SGCZ: variants seen among roughly 807,000 people sequenced by gnomAD.
SGCZ encodes the protein zeta-sarcoglycan.
In SGCZ, 40 loss-of-function variants were observed where a neutral mutation model predicts 41.3. That is an observed-to-expected ratio of 0.97 (90% CI 0.75 to 1.26). The LOEUF (loss-of-function observed/expected upper bound fraction) is 1.26. Among genes scored for constraint, SGCZ ranks in the 50% most tolerant of loss-of-function variants. SGCZ has a pLI of 0.00. For synonymous variants in SGCZ, 206 were observed against 137.5 expected (o/e 1.50, Z -3.49); for missense variants, 552 against 369.8 (o/e 1.49, Z -4.04).
chr8:15,181,953 T>G (rs80279630), intron 1 of SGCZ, among the ~76,000 whole-genome samples: 1 of 152,288 alleles, frequency 6.6e-6, no homozygotes, highest in Non-Finnish European at 1.5e-5. Flanking sequence ...GTGTTACATC[T>G]TATGCAGTGA....
At chr8:14,312,766 G>A (rs1199238701) in intron 3 of SGCZ, among the ~76,000 whole-genome samples, 3 of 152,130 alleles carry the variant, frequency 2.0e-5, no homozygotes, top group Admixed American at 2.0e-4. Context: ...CTATCCACTG[G>A]AGAGTGGCAT....
intron 3 of SGCZ, among the ~76,000 whole-genome samples, chr8:14,241,532 A>G (rs1798890608): frequency 7.9e-6 from 1 of 127,086 alleles, no homozygotes; most frequent in Admixed American, 9.0e-5. Context: ...TGATATACTA[A>G]CATAAATATC....
intron 1 of SGCZ, among the ~76,000 whole-genome samples, chr8:15,104,546 A>G (rs777600326): frequency 6.6e-5 from 10 of 152,396 alleles, no homozygotes; most frequent in Admixed American, 3.9e-4. Context: ...TGGCACTTCC[A>G]GTCATCAGAA....
chr8:15,172,991 T>G (rs947019983), intron 1 of SGCZ, among the ~76,000 whole-genome samples: 1 of 152,210 alleles, frequency 6.6e-6, no homozygotes, highest in Non-Finnish European at 1.5e-5. Context: ...ATTCTGAACT[T>G]TTTTGGATAA....
intron 4 of SGCZ, among the ~76,000 whole-genome samples, chr8:14,210,160 C>A (rs1348655066): frequency 6.6e-6 from 1 of 152,108 alleles, no homozygotes; most frequent in African/African-American, 2.4e-5. Flanking sequence ...CAGGCTCAAG[C>A]AATTCTCCTG....
intron 4 of SGCZ, among the ~76,000 whole-genome samples, chr8:14,226,836 C>G (rs1806389412): frequency 6.6e-6 from 1 of 152,020 alleles, no homozygotes; most frequent in African/African-American, 2.4e-5. Flanking sequence ...TATAAAAGTT[C>G]CAGTAGCTTT....
chr8:15,058,265 G>T (rs1014933575), intron 1 of SGCZ, among the ~76,000 whole-genome samples: 2 of 152,118 alleles, frequency 1.3e-5, no homozygotes, highest in African/African-American at 4.8e-5. Context: ...TATTCTCCAT[G>T]TATCTTTTCT....
chr8:15,025,914 C>T (rs1360440545), intron 1 of SGCZ, among the ~76,000 whole-genome samples: 1 of 152,012 alleles, frequency 6.6e-6, no homozygotes, highest in East Asian at 1.9e-4. Context: ...CCTTACATTC[C>T]TGTAGCATAT....
intron 1 of SGCZ, 43 bp from the exon 2 acceptor site, chr8:14,554,969 A>AG (rs1803989383): frequency 2.7e-6 from 4 of 1,494,562 alleles, no homozygotes; most frequent in Non-Finnish European, 2.7e-6. Context: ...GGAAAAAAAA[A>AG]GAAGCATTAA....
At chr8:14,903,411 G>C (rs1221802974) in intron 1 of SGCZ, among the ~76,000 whole-genome samples, 2 of 152,020 alleles carry the variant, frequency 1.3e-5, no homozygotes, top group African/African-American at 4.8e-5. Flanking sequence ...TACTGGCTTA[G>C]GTTTGTCTGT....
chr8:14,566,422 C>A (rs1379627183), intron 1 of SGCZ, among the ~76,000 whole-genome samples: 1 of 150,918 alleles, frequency 6.6e-6, no homozygotes, highest in African/African-American at 2.4e-5. Context: ...TGGGTCGATT[C>A]CCTACTGAGG....
intron 1 of SGCZ, among the ~76,000 whole-genome samples, chr8:14,675,531 C>T (rs1187935054): frequency 2.6e-5 from 4 of 151,886 alleles, no homozygotes; most frequent in Non-Finnish European, 5.9e-5. Context: ...TACACTTTAC[C>T]ATTGTATATA....
intron 1 of SGCZ, among the ~76,000 whole-genome samples, chr8:15,200,137 G>C (rs552547632): frequency 6.6e-6 from 1 of 152,070 alleles, no homozygotes; most frequent in African/African-American, 2.4e-5. Flanking sequence ...AAACCATCTG[G>C]GTATGTGTTC....
chr8:14,553,501 A>G (rs1445952980), intron 2 of SGCZ, among the ~76,000 whole-genome samples: 2 of 151,860 alleles, frequency 1.3e-5, no homozygotes, highest in Non-Finnish European at 2.9e-5. Context: ...TTACAAAATT[A>G]TAATTTATTG....
intron 1 of SGCZ, among the ~76,000 whole-genome samples, chr8:15,049,888 G>A (rs182439368): frequency 1.3e-5 from 2 of 152,244 alleles, no homozygotes; most frequent in Admixed American, 6.5e-5. Context: ...CATATAAGAG[G>A]TGACTTTGCT....
At chr8:15,147,498 G>A (rs1454943404) in intron 1 of SGCZ, among the ~76,000 whole-genome samples, 2 of 152,104 alleles carry the variant, frequency 1.3e-5, no homozygotes, top group Non-Finnish European at 2.9e-5. Context: ...GGCTGGTCTC[G>A]AACTCCTGAC....
chr8:14,266,476 T>C (rs948367420), intron 3 of SGCZ, among the ~76,000 whole-genome samples: 52 of 151,982 alleles, frequency 3.4e-4, no homozygotes, highest in African/African-American at 1.0e-3. Context: ...AAATACTGTG[T>C]AGGAATTAGC....
intron 1 of SGCZ, among the ~76,000 whole-genome samples, chr8:14,893,461 C>A (rs2130746346): frequency 6.6e-6 from 1 of 152,200 alleles, no homozygotes; most frequent in South Asian, 2.1e-4. Context: ...TTTTTTACAA[C>A]AGTAATGGGA....
At chr8:15,084,889 G>A (rs1381830434) in intron 1 of SGCZ, among the ~76,000 whole-genome samples, 1 of 152,146 alleles carries the variant, frequency 6.6e-6, no homozygotes, top group Non-Finnish European at 1.5e-5. Context: ...ATAAGTTGAA[G>A]ACTGACTTTA....
Sources: gnomAD v4.1 joint callset for allele counts (sites outside exome capture counted in the v4.1 genomes callset) on GRCh38, gnomAD v4.1.1 for gene constraint, MANE v1.5 for transcripts, NCBI Gene and HGNC (gene_info 2026-07-23, HGNC 2026-07-21) for gene names.